Variants in DDX11 observed in about 807,000 individuals in gnomAD.
DDX11 encodes ATP-dependent DNA helicase DDX11.
DDX11 carries 72 observed loss-of-function variants against 125.2 expected under a neutral mutation model. That is an observed-to-expected ratio of 0.58 (90% CI 0.48 to 0.70). The LOEUF (loss-of-function observed/expected upper bound fraction) is 0.70, where lower values mean the gene tolerates loss of function less well. Ranked by LOEUF, DDX11 falls within the 30% of genes least tolerant of loss-of-function variation. DDX11 has a pLI of 0.00. For missense variants in DDX11, 883 were observed against 1,165.0 expected (o/e 0.76, Z 3.52); for synonymous variants, 347 against 452.6 (o/e 0.77, Z 2.96).
At chr12:31,100,851 G>A (rs146933064) in intron 19 of DDX11, 144 bp downstream of exon 19, 139,627 of 1,092,226 alleles carry the variant, frequency 0.13, 10,344 homozygotes, top group Non-Finnish European at 0.15. Flanking sequence ...GCTCGCCCAG[G>A]CTCTCCTGCT....
At chr12:31,093,383 C>A (rs781100973) in intron 12 of DDX11, 59 bp downstream of exon 12, 291 of 1,605,012 alleles carry the variant, frequency 1.8e-4, no homozygotes, top group Non-Finnish European at 2.4e-4. Context: ...GCTGCTTTTT[C>A]CTTGGATGCC....
At chr12:31,097,460 C>T (rs1353661897) in intron 17 of DDX11, among the ~76,000 whole-genome samples, 1 of 149,256 alleles carries the variant, frequency 6.7e-6, no homozygotes, top group Admixed American at 6.7e-5. Context: ...GGGGGCGGAT[C>T]GTGAGTTCAG....
At chr12:31,075,839 T>C (rs546672052) in intron 1 of DDX11, among the ~76,000 whole-genome samples, 1 of 152,212 alleles carries the variant, frequency 6.6e-6, no homozygotes, top group East Asian at 1.9e-4. Context: ...TAGGTTCAGA[T>C]GGTGCTAAGA....
intron 1 of DDX11, among the ~76,000 whole-genome samples, chr12:31,077,351 C>T (rs933745437): frequency 2.6e-5 from 4 of 152,114 alleles, no homozygotes; most frequent in South Asian, 4.1e-4. Context: ...CTTAGCCTAG[C>T]AAGGAAAGAG....
rs776118103 is a variant in DDX11, at chr12:31,102,936, G to A, written c.2373G>A (p.Arg791=). ...EGINFSDNLG[R]CVVMVGMPFP... is the part of the protein sequence containing the mutation. ...CTGGGCTCTTGTCTCCCCCGCCCAG[G>A]TGTGTGGTGATGGTGGGCATGCCCT... The change falls in exon 24 of 27, where the codon CGG becomes CGA. Residue 791 remains arginine (R), a splice_region_variant and synonymous_variant. Transcript: ENST00000542838. 12 of 1,613,852 alleles carry A rather than the reference G, an allele frequency of 7.4e-6. No individual in the cohort carries two copies. In the Admixed American group the frequency reaches 1.0e-4, roughly 13 times the overall value.
chr12:31,103,365 C>G lies in DDX11; in HGVS notation c.2506C>G (p.Leu836Val). Residue 836 changes from leucine (L) to valine (V), a missense_variant, in exon 25 of 27, where the codon CTG becomes GTG. By Grantham distance (32) the Leu-to-Val change is conservative. Coordinates refer to ENST00000542838, the MANE Select transcript of DDX11 (RefSeq NM_030653.4). ...CCCAGGGAAGGCTCTGGTGGAGAAC[C>G]TGTGCATGAAGGCCGTCAACCAGTC... ...APPGKALVEN[L>V]CMKAVNQSIG... 3.1e-6 allele frequency: 5 copies of G among 1,610,814 alleles called. No individual in the cohort carries two copies. Among genetic ancestry groups the G allele is most frequent in the Non-Finnish European group, 4.2e-6 (5 of 1,179,392 alleles).
At chr12:31,097,466 T>G (rs4031285) in intron 17 of DDX11, among the ~76,000 whole-genome samples, 77,830 of 146,866 alleles carry the variant, frequency 0.53, 21,750 homozygotes, top group East Asian at 0.81. Flanking sequence ...GGATCGTGAG[T>G]TCAGGAGATC....
intron 4 of DDX11, 146 bp downstream of exon 4, chr12:31,084,815 G>C (rs1942760753): frequency 1.0e-6 from 1 of 1,000,138 alleles, no homozygotes. Flanking sequence ...GCTGTGAGTG[G>C]TTGAGGCGTG....
chr12:31,091,864 G>T lies in DDX11; in HGVS notation c.1235G>T (p.Gly412Val). ...GGCATGCACAGCGTGGAGGTCAGCG[G>T]CTCCCAGGTGTGTGGGCCTCCCCTC... Reference protein sequence around the residue: ...ITGMHSVEVSGSQLCQAHSQL... With the variant: ...ITGMHSVEVSVSQLCQAHSQL... Residue 412 changes from glycine to valine, a missense_variant, in exon 10 of 27, where the codon GGC becomes GTC. Coordinates refer to ENST00000542838, the MANE Select transcript of DDX11 (RefSeq NM_030653.4). 6.2e-7 allele frequency: 1 copy of T among 1,613,616 alleles called. No homozygotes were observed. Among genetic ancestry groups the T allele is most frequent in the Non-Finnish European group, 8.5e-7 (1 of 1,179,814 alleles).
intron 23 of DDX11, 118 bp from the exon 24 acceptor site, chr12:31,102,818 A>C (rs1165090543): frequency 1.2e-6 from 1 of 863,256 alleles, no homozygotes; most frequent in Admixed American, 2.1e-5. Context: ...AGAGAGGCTG[A>C]GTTTTGATCA....
chr12:31,095,805 G>A (rs1022871933), intron 14 of DDX11, among the ~76,000 whole-genome samples: 5 of 152,058 alleles, frequency 3.3e-5, no homozygotes, highest in Admixed American at 6.5e-5. Context: ...CATGGGTCTC[G>A]GGTCTCATCA....
In DDX11 at chr12:31,078,379, A is replaced by G; in HGVS notation, c.-4-11A>G. The G allele has an allele frequency of 1.2e-6, 2 of 1,608,118 alleles. No homozygotes were observed. Among genetic ancestry groups the G allele is most frequent in the South Asian group, 2.2e-5 (2 of 90,038 alleles). On this transcript the variant is annotated splice_polypyrimidine_tract_variant and intron_variant, in intron 1 of 26. Coordinates refer to ENST00000542838, the MANE Select transcript of DDX11 (RefSeq NM_030653.4). ...GAGAGAGCTCCCTAATGTTGTATTT[A>G]TTTTTCCTAGGTCCATGGCTAATGA...
chr12:31,103,119 G>T (rs1172374733), intron 24 of DDX11, 99 bp downstream of exon 24: 2 of 1,461,484 alleles, frequency 1.4e-6, no homozygotes, highest in African/African-American at 2.8e-5. Context: ...TCCCCGCTGC[G>T]CTGGCGTCTC....
At chr12:31,080,065 G>A (rs1230633083) in intron 2 of DDX11, among the ~76,000 whole-genome samples, 4 of 129,204 alleles carry the variant, frequency 3.1e-5, no homozygotes, top group Non-Finnish European at 6.4e-5. Flanking sequence ...TGGCAGCCCT[G>A]GACTGCCTGT....
chr12:31,089,698 G>C (rs955531106), intron 8 of DDX11, 188 bp from the exon 9 acceptor site: 54 of 1,237,814 alleles, frequency 4.4e-5, no homozygotes, highest in South Asian at 1.7e-4. Flanking sequence ...ATGATTTTAC[G>C]GGCTCTTTCT....
intron 1 of DDX11, 75 bp downstream of exon 1, chr12:31,074,166 C>T (rs559407162): frequency 6.6e-6 from 1 of 152,332 alleles, no homozygotes; most frequent in Admixed American, 6.5e-5. Context: ...AAGCGGGAAC[C>T]CCTGTGTGGG....
At chr12:31,096,576 C>A in intron 15 of DDX11, 61 bp from the exon 16 acceptor site, 1 of 1,596,568 alleles carries the variant, frequency 6.3e-7, no homozygotes, top group Non-Finnish European at 8.5e-7. Flanking sequence ...TCCGATCCAC[C>A]CAGCCTCTCT....
chr12:31,085,955 A>T, intron 5 of DDX11: 1 of 449,160 alleles, frequency 2.2e-6, no homozygotes, highest in Non-Finnish European at 4.5e-6. Context: ...TCGGAGGGTA[A>T]CTGCAAGACC....
At chr12:31,101,217 G>A (rs60056509) in intron 20 of DDX11, 87 bp downstream of exon 20, 1 of 1,138,940 alleles carries the variant, frequency 8.8e-7, no homozygotes, top group African/African-American at 1.5e-5. Flanking sequence ...CCCACCCTGA[G>A]TGTTTTCAGT....
Sources: gnomAD v4.1 joint callset for allele counts (sites outside exome capture counted in the v4.1 genomes callset) on GRCh38, gnomAD v4.1.1 for gene constraint, MANE v1.5 for transcripts, NCBI Gene and HGNC (gene_info 2026-07-23, HGNC 2026-07-21) for gene names.